The following CLVS1 variants were observed in gnomAD, a reference collection of about 807,000 sequenced individuals.
The protein encoded by CLVS1 is clavesin-1.
Under a neutral mutation model 33.1 loss-of-function variants are expected in CLVS1, and 10 were observed. The ratio of observed to expected loss-of-function variants is 0.30; its 90% CI spans 0.19 to 0.51. The LOEUF (loss-of-function observed/expected upper bound fraction) is 0.51, where lower values mean the gene tolerates loss of function less well. CLVS1 is among the 20% of genes least tolerant of loss of function. The probability of loss-of-function intolerance (pLI) is 0.97; values close to 1 mark genes in which losing one functional copy is unlikely to be tolerated. For synonymous variants in CLVS1, 163 were observed against 166.1 expected, an observed-to-expected ratio of 0.98 and a Z score of 0.14; for missense variants, 343 against 433.4, an observed-to-expected ratio of 0.79 and a Z score of 1.85.
intron 5 of CLVS1, among the ~76,000 whole-genome samples, chr8:61,499,178 T>G (rs1407868220): frequency 1.3e-5 from 2 of 151,556 alleles, no homozygotes; most frequent in African/African-American, 4.9e-5. Context: ...GTGTCTTTAT[T>G]TCTTATTTTT....
At chr8:61,166,644 A>G (rs970538988) in intron 2 of CLVS1, among the ~76,000 whole-genome samples, 1 of 152,094 alleles carries the variant, frequency 6.6e-6, no homozygotes, top group Admixed American at 6.5e-5. Context: ...TAATTACCCT[A>G]AGCCACTAAC....
intron 1 of CLVS1, among the ~76,000 whole-genome samples, chr8:61,297,973 A>G (rs1585766468): frequency 6.6e-6 from 1 of 152,192 alleles, no homozygotes; most frequent in South Asian, 2.1e-4. Context: ...TAGAGTGACC[A>G]TCTGTCTGAG....
intron 1 of CLVS1, among the ~76,000 whole-genome samples, chr8:61,086,035 C>CAAAAAAAAAA (rs4033854): frequency 3.2e-5 from 1 of 31,204 alleles, no homozygotes; most frequent in Non-Finnish European, 5.2e-5. Flanking sequence ...GACTCCCTCT[C>CAAAAAAAAAA]AAAAAAAAAA....
chr8:61,217,436 T>C (rs998933251), intron 2 of CLVS1, among the ~76,000 whole-genome samples: 14 of 152,206 alleles, frequency 9.2e-5, no homozygotes, highest in African/African-American at 3.4e-4. Context: ...ATGGATATTG[T>C]ATTTTGGATC....
At chr8:61,488,398 AT>A (rs898802517) in intron 5 of CLVS1, among the ~76,000 whole-genome samples, 2 of 152,160 alleles carry the variant, frequency 1.3e-5, no homozygotes, top group East Asian at 1.9e-4. Flanking sequence ...GTTTAACGGA[AT>A]TTTTTTGTTG....
intron 2 of CLVS1, among the ~76,000 whole-genome samples, chr8:61,190,563 C>CA (rs1807447347): frequency 6.6e-6 from 1 of 151,972 alleles, no homozygotes; most frequent in African/African-American, 2.4e-5. Flanking sequence ...AACATCCCTT[C>CA]AAAAAATCAA....
intron 3 of CLVS1, among the ~76,000 whole-genome samples, chr8:61,406,618 T>TTG (rs1274707739): frequency 1.4e-5 from 2 of 145,176 alleles, no homozygotes; most frequent in African/African-American, 5.0e-5. Flanking sequence ...GTTTTTTTTG[T>TTG]GGGGGGGGGG....
the CLVS1 span, among the ~76,000 whole-genome samples, chr8:61,012,601 A>G: frequency 2.5e-3 from 382 of 152,240 alleles, 7 homozygotes; most frequent in African/African-American, 8.9e-3. Flanking sequence ...CGTGCATGAC[A>G]TGTATATGGG....
intron 5 of CLVS1, among the ~76,000 whole-genome samples, chr8:61,474,110 T>A (rs1452876072): frequency 6.6e-6 from 1 of 152,100 alleles, no homozygotes; most frequent in Non-Finnish European, 1.5e-5. Context: ...AGGTTTGAGC[T>A]GAGAGGAAGT....
chr8:61,102,883 A>G (rs1805476224), intron 1 of CLVS1, among the ~76,000 whole-genome samples: 1 of 152,176 alleles, frequency 6.6e-6, no homozygotes, highest in Non-Finnish European at 1.5e-5. Flanking sequence ...GAAAACAAAA[A>G]GGCAGCTCTC....
At chr8:61,049,119 G>A in the CLVS1 span, among the ~76,000 whole-genome samples, 1 of 152,180 alleles carries the variant, frequency 6.6e-6, no homozygotes, top group Non-Finnish European at 1.5e-5. Context: ...AAACTGTAAT[G>A]TATAGCCTGC....
chr8:61,493,210 G>C (rs1210453453), intron 5 of CLVS1, among the ~76,000 whole-genome samples: 2 of 152,054 alleles, frequency 1.3e-5, no homozygotes, highest in African/African-American at 4.8e-5. Context: ...TGAAATGTTA[G>C]TTTTTCATTT....
Position 61,287,991 on chromosome 8 carries a change from C to A in CLVS1, c.-299C>A. 2.4e-6 allele frequency: 1 copy of A among 412,632 alleles called. No individual in the cohort carries two copies. Among genetic ancestry groups the A allele is most frequent in the South Asian group, 1.8e-5 (1 of 55,214 alleles). The allele number at this position is 412,632 out of a possible 1,614,324, so 25.6% of individuals were successfully genotyped here. On this transcript the variant is annotated 5_prime_UTR_variant, in exon 1 of 6. Coordinates refer to ENST00000325897, the MANE Select transcript of CLVS1 (RefSeq NM_173519.3). The stretch of plus-strand genomic sequence containing the variant: ...ACACGCCTCCTACCAAAATCACAGC[C>A]CCTTGTGGAGCCCGAGCTCTCATTC...
At chr8:61,139,826 C>T (rs1472020720) in intron 2 of CLVS1, among the ~76,000 whole-genome samples, 1 of 152,124 alleles carries the variant, frequency 6.6e-6, no homozygotes, top group Non-Finnish European at 1.5e-5. Flanking sequence ...CGCCATTCTC[C>T]TTCCCGGCTC....
intron 2 of CLVS1, among the ~76,000 whole-genome samples, chr8:61,157,777 A>T (rs556755258): frequency 1.3e-5 from 2 of 152,278 alleles, no homozygotes; most frequent in East Asian, 3.9e-4. Flanking sequence ...AAATGGCAGT[A>T]AACACATGAA....
chr8:61,209,024 C>A (rs1193586149), intron 2 of CLVS1, among the ~76,000 whole-genome samples: 1 of 152,144 alleles, frequency 6.6e-6, no homozygotes, highest in Admixed American at 6.5e-5. Flanking sequence ...GTTGATAGGG[C>A]AGTGTAAGTC....
chr8:60,987,452 A>T, the CLVS1 span, among the ~76,000 whole-genome samples: 1 of 152,210 alleles, frequency 6.6e-6, no homozygotes, highest in African/African-American at 2.4e-5. Flanking sequence ...TTTTATGCTA[A>T]GTTGCCTGTT....
chr8:61,406,244 G>C (rs2129603787), intron 3 of CLVS1, among the ~76,000 whole-genome samples: 1 of 152,308 alleles, frequency 6.6e-6, no homozygotes, highest in South Asian at 2.1e-4. Context: ...TCCCAGTTTA[G>C]ATATTTCAAC....
intron 3 of CLVS1, among the ~76,000 whole-genome samples, chr8:61,423,298 T>G (rs17198387): frequency 0.069 from 10,510 of 152,220 alleles, 437 homozygotes; most frequent in Non-Finnish European, 0.09. Flanking sequence ...ATTAGCAGAG[T>G]TTAGTGACAC....
Sources: gnomAD v4.1 joint callset for allele counts (sites outside exome capture counted in the v4.1 genomes callset) on GRCh38, gnomAD v4.1.1 for gene constraint, MANE v1.5 for transcripts, NCBI Gene and HGNC (gene_info 2026-07-23, HGNC 2026-07-21) for gene names.